LRP1B: variants seen among roughly 807,000 people sequenced by gnomAD.
LRP1B encodes low-density lipoprotein receptor-related protein 1B.
A neutral mutation model predicts 556.6 loss-of-function variants in LRP1B; 217 were observed. The observed-to-expected ratio is 0.39, with a 90% confidence interval of 0.35 to 0.44. The LOEUF (loss-of-function observed/expected upper bound fraction) is 0.44, where lower values mean the gene tolerates loss of function less well. Among genes scored for constraint, LRP1B ranks in the 20% least tolerant of loss-of-function variants. LRP1B has a pLI of 1.00. For missense variants in LRP1B, 5,053 were observed against 5,620.8 expected (o/e 0.90, Z 3.23); for synonymous variants, 2,047 against 1,865.8 (o/e 1.10, Z -2.50).
intron 2 of LRP1B, among the ~76,000 whole-genome samples, chr2:141,531,974 T>A (rs904771418): frequency 6.6e-6 from 1 of 152,136 alleles, no homozygotes; most frequent in African/African-American, 2.4e-5. Context: ...ACTAGAAAAG[T>A]CACTGTTTGT....
At chr2:141,205,204 C>T (rs986827420) in intron 6 of LRP1B, among the ~76,000 whole-genome samples, 1 of 152,078 alleles carries the variant, frequency 6.6e-6, no homozygotes, top group Admixed American at 6.5e-5. Flanking sequence ...AATCACCTCC[C>T]ATTATTTTCT....
intron 35 of LRP1B, among the ~76,000 whole-genome samples, chr2:140,749,151 T>C (rs1451888890): frequency 6.6e-6 from 1 of 151,850 alleles, no homozygotes; most frequent in African/African-American, 2.4e-5. Flanking sequence ...AGATTAAAAA[T>C]GGTACACATA....
intron 2 of LRP1B, among the ~76,000 whole-genome samples, chr2:141,652,512 G>T (rs1689835863): frequency 6.6e-6 from 1 of 152,158 alleles, no homozygotes; most frequent in South Asian, 2.1e-4. Flanking sequence ...AGGCTTTCTT[G>T]AGTCTCAGTC....
intron 3 of LRP1B, among the ~76,000 whole-genome samples, chr2:141,408,755 A>G (rs1005241461): frequency 6.6e-6 from 1 of 152,186 alleles, no homozygotes; most frequent in African/African-American, 2.4e-5. Context: ...TGCTATATTC[A>G]TGCCATCTCC....
chr2:141,875,034 T>C (rs903251602), intron 1 of LRP1B, among the ~76,000 whole-genome samples: 3 of 151,906 alleles, frequency 2.0e-5, no homozygotes, highest in African/African-American at 7.2e-5. Context: ...ATAAACACCA[T>C]TATTACTGCT....
At chr2:140,892,464 A>C (rs183569748) in intron 23 of LRP1B, among the ~76,000 whole-genome samples, 39 of 152,320 alleles carry the variant, frequency 2.6e-4, no homozygotes, top group Admixed American at 2.6e-4. Context: ...TGAGAAATAA[A>C]ACAAACGCAA....
chr2:141,471,112 C>G (rs994688469), intron 3 of LRP1B, among the ~76,000 whole-genome samples: 3 of 152,082 alleles, frequency 2.0e-5, no homozygotes, highest in Non-Finnish European at 4.4e-5. Context: ...TACTGTTTAT[C>G]TCCAAGTTTT....
At chr2:141,167,826 A>G (rs1317192808) in intron 7 of LRP1B, among the ~76,000 whole-genome samples, 1 of 151,974 alleles carries the variant, frequency 6.6e-6, no homozygotes, top group Non-Finnish European at 1.5e-5. Flanking sequence ...TGATAGAACT[A>G]TTATGAAGTG....
chr2:140,532,553 C>T (rs886789132), intron 47 of LRP1B, among the ~76,000 whole-genome samples: 5 of 151,876 alleles, frequency 3.3e-5, no homozygotes, highest in African/African-American at 9.7e-5. Flanking sequence ...AGTGCAACCA[C>T]GCCTGGCTAA....
intron 3 of LRP1B, among the ~76,000 whole-genome samples, chr2:141,325,376 T>C (rs1052474942): frequency 6.6e-6 from 1 of 152,098 alleles, no homozygotes; most frequent in African/African-American, 2.4e-5. Flanking sequence ...GAGTTAAATA[T>C]ATTTTTAAAT....
At chr2:141,577,976 C>T (rs958043708) in intron 2 of LRP1B, among the ~76,000 whole-genome samples, 4 of 152,072 alleles carry the variant, frequency 2.6e-5, no homozygotes, top group Admixed American at 6.6e-5. Context: ...GCCCAGATAT[C>T]GTAAATAAAG....
intron 7 of LRP1B, among the ~76,000 whole-genome samples, chr2:141,123,919 T>C (rs1701130415): frequency 6.6e-6 from 1 of 152,102 alleles, no homozygotes; most frequent in Non-Finnish European, 1.5e-5. Context: ...CTGTGGCACA[T>C]CTCAGCTGGG....
intron 41 of LRP1B, among the ~76,000 whole-genome samples, chr2:140,675,730 T>A (rs1452506695): frequency 6.6e-6 from 1 of 152,142 alleles, no homozygotes; most frequent in Non-Finnish European, 1.5e-5. Context: ...TGCACTATGA[T>A]TGCACCTCTG....
At chr2:140,720,829 T>C (rs554691092) in intron 35 of LRP1B, among the ~76,000 whole-genome samples, 3 of 152,126 alleles carry the variant, frequency 2.0e-5, no homozygotes, top group East Asian at 3.9e-4. Context: ...AGCATAAATA[T>C]ATAAAAATAT....
intron 2 of LRP1B, among the ~76,000 whole-genome samples, chr2:141,675,226 C>A (rs142641505): frequency 2.6e-5 from 4 of 151,794 alleles, no homozygotes; most frequent in South Asian, 2.1e-4. Context: ...ATTTAAAGTA[C>A]CTTTCCTAAT....
At chr2:141,639,886 A>G (rs77736861) in intron 2 of LRP1B, among the ~76,000 whole-genome samples, 29,257 of 151,970 alleles carry the variant, frequency 0.19, 3,381 homozygotes, top group East Asian at 0.54. Context: ...CATTGCTACA[A>G]CCTTACACCC....
intron 3 of LRP1B, among the ~76,000 whole-genome samples, chr2:141,337,170 G>T (rs1235066894): frequency 6.6e-6 from 1 of 152,122 alleles, no homozygotes; most frequent in Non-Finnish European, 1.5e-5. Context: ...CAAAAGATGA[G>T]TTTCAATTGC....
chr2:142,076,507 C>T (rs1046310737), intron 1 of LRP1B, among the ~76,000 whole-genome samples: 2 of 152,070 alleles, frequency 1.3e-5, no homozygotes, highest in African/African-American at 4.8e-5. Context: ...TACACTGTTG[C>T]TTTAATTCAT....
intron 1 of LRP1B, among the ~76,000 whole-genome samples, chr2:141,826,293 A>G (rs561006792): frequency 1.1e-3 from 163 of 150,892 alleles, no homozygotes; most frequent in Admixed American, 3.8e-3. Context: ...ATACAGTTCT[A>G]TATAATACAT....
Sources: gnomAD v4.1 joint callset for allele counts (sites outside exome capture counted in the v4.1 genomes callset) on GRCh38, gnomAD v4.1.1 for gene constraint, MANE v1.5 for transcripts, NCBI Gene and HGNC (gene_info 2026-07-23, HGNC 2026-07-21) for gene names.